Variants in NFIB observed in about 807,000 individuals in gnomAD.
NFIB encodes nuclear factor 1 B-type.
A neutral mutation model predicts 61.5 loss-of-function variants in NFIB; 11 were observed. The observed-to-expected ratio is 0.18, with a 90% CI of 0.11 to 0.30. The LOEUF (loss-of-function observed/expected upper bound fraction) is 0.30, where lower values mean the gene tolerates loss of function less well. Ranked by LOEUF, NFIB falls within the 10% of genes least tolerant of loss-of-function variation. The probability of loss-of-function intolerance (pLI) is 1.00; values close to 1 mark genes in which losing one functional copy is unlikely to be tolerated. For missense variants in NFIB, 471 were observed against 608.9 expected (o/e 0.77, Z 2.38); for synonymous variants, 260 against 216.5 (o/e 1.20, Z -1.76).
At chr9:14,468,422 C>A in the NFIB span, among the ~76,000 whole-genome samples, 2 of 152,102 alleles carry the variant, frequency 1.3e-5, no homozygotes, top group Non-Finnish European at 2.9e-5. Context: ...GTAACATAAA[C>A]ACAAAAAATG....
intron 2 of NFIB, among the ~76,000 whole-genome samples, chr9:14,192,538 G>C (rs1008240753): frequency 1.6e-4 from 24 of 152,142 alleles, no homozygotes; most frequent in Admixed American, 7.2e-4. Context: ...CTTCAGGCTA[G>C]GTCCAACCAA....
intron 10 of NFIB, among the ~76,000 whole-genome samples, chr9:14,097,326 G>A (rs2118724553): frequency 1.3e-5 from 2 of 152,084 alleles, no homozygotes; most frequent in East Asian, 1.9e-4. Context: ...TGGTGCTAGG[G>A]GCCCAGAATG....
At chr9:14,142,247 C>G (rs1399955463) in intron 6 of NFIB, among the ~76,000 whole-genome samples, 2 of 152,134 alleles carry the variant, frequency 1.3e-5, no homozygotes. Context: ...CAGATCTTTC[C>G]TGTGTTGTTC....
intron 2 of NFIB, among the ~76,000 whole-genome samples, chr9:14,206,421 G>A (rs896177491): frequency 2.0e-5 from 3 of 151,682 alleles, no homozygotes; most frequent in Non-Finnish European, 2.9e-5. Context: ...TTCCTGCCTC[G>A]GCCTCGCAAA....
intron 1 of NFIB, among the ~76,000 whole-genome samples, chr9:14,312,341 A>T (rs145636598): frequency 1.1e-4 from 16 of 152,348 alleles, no homozygotes; most frequent in Admixed American, 3.3e-4. Flanking sequence ...TAAAATTTTA[A>T]CACGCCCAAG....
At chr9:14,358,229 A>C (rs1221182446) in intron 1 of NFIB, among the ~76,000 whole-genome samples, 1 of 149,146 alleles carries the variant, frequency 6.7e-6, no homozygotes, top group Non-Finnish European at 1.5e-5. Context: ...ATACTATATA[A>C]AATAATTTTA....
intron 1 of NFIB, among the ~76,000 whole-genome samples, chr9:14,347,026 C>T (rs1030631494): frequency 5.9e-5 from 9 of 151,904 alleles, no homozygotes; most frequent in African/African-American, 2.2e-4. Context: ...AGCGAAATCG[C>T]GGCCAGGGAG....
intron 1 of NFIB, among the ~76,000 whole-genome samples, chr9:14,353,012 A>G (rs1178829949): frequency 2.0e-5 from 3 of 152,120 alleles, no homozygotes; most frequent in African/African-American, 7.2e-5. Flanking sequence ...GGTCAAGTGG[A>G]TTTCTTTCTG....
chr9:14,295,493 T>C (rs1324689408), intron 2 of NFIB, among the ~76,000 whole-genome samples: 2 of 149,090 alleles, frequency 1.3e-5, no homozygotes, highest in Non-Finnish European at 1.5e-5. Context: ...CAGCCGGGCG[T>C]GGGGAAGGGC....
At chr9:14,248,697 G>C (rs2055223527) in intron 2 of NFIB, among the ~76,000 whole-genome samples, 1 of 152,172 alleles carries the variant, frequency 6.6e-6, no homozygotes, top group Non-Finnish European at 1.5e-5. Context: ...ACAGGCAGGA[G>C]ACTTAAGCAT....
At chr9:14,488,202 A>G in the NFIB span, among the ~76,000 whole-genome samples, 2 of 152,144 alleles carry the variant, frequency 1.3e-5, no homozygotes, top group African/African-American at 4.8e-5. Flanking sequence ...CATCTTTACA[A>G]AACATTAAAA....
Position 14,313,607 on chromosome 9 carries a change from C to A in NFIB, c.-96G>T, listed in dbSNP as rs1190062791. The A allele has an allele frequency of 1.1e-5, 17 of 1,603,798 alleles. No individual in the cohort carries two copies. The South Asian group carries it at 1.4e-4, about 14-fold the overall frequency. The stretch of plus-strand genomic sequence containing the variant: ...TCATTTTACAGTCATCTGAGCCCCG[C>A]GATGCGATCAATCAGGACGGGGCTC... On this transcript the variant is annotated 5_prime_UTR_variant, in exon 1 of 11. Transcript: ENST00000380953. The surrounding 1 kb of genome is among the most constrained non-coding windows in gnomAD (Gnocchi z 4.5).
the NFIB span, among the ~76,000 whole-genome samples, chr9:14,420,003 A>C: frequency 2.0e-5 from 3 of 152,158 alleles, no homozygotes; most frequent in African/African-American, 7.2e-5. Context: ...TATTAATATC[A>C]GGTTGGGGAC....
At chr9:14,479,339 A>G in the NFIB span, among the ~76,000 whole-genome samples, 1 of 152,216 alleles carries the variant, frequency 6.6e-6, no homozygotes, top group African/African-American at 2.4e-5. Context: ...ACTGAAACCC[A>G]TACTAGCAGA....
At position 14,231,130 on chromosome 9, in the gene NFIB, AAAAAAATATAT is replaced by A. The variant is rs1209911429; in HGVS notation, c.563-51361_563-51351del. 3.1e-4 allele frequency among the ~76,000 whole-genome samples: 29 copies of A among 94,348 alleles called. No homozygotes were observed. In the East Asian group the frequency reaches 0.014, roughly 44 times the overall value. 61.9% of individuals were successfully genotyped at this position (94,348 alleles called of 152,430 possible). A position where few individuals can be genotyped will look rare whatever the true frequency, so the allele number is the denominator to read the frequency against. Reference sequence around the variant, plus strand: ...CAGTTTTTCCATGGGGAAAAAAAAAAAAAAAATATATATATATATATATATATATATATATA... The same window carrying A: ...CAGTTTTTCCATGGGGAAAAAAAAAAATATATATATATATATATATATATA... On this transcript the variant is annotated intron_variant, in intron 2 of 10. Coordinates refer to ENST00000380953, the MANE Select transcript of NFIB (RefSeq NM_001190737.2).
At chr9:14,513,692 T>C in the NFIB span, among the ~76,000 whole-genome samples, 1 of 150,930 alleles carries the variant, frequency 6.6e-6, no homozygotes, top group Non-Finnish European at 1.5e-5. Context: ...TGAAAAGCTA[T>C]AGTTTTTTTT....
At chr9:14,192,355 G>A (rs988254975) in intron 2 of NFIB, among the ~76,000 whole-genome samples, 1 of 152,136 alleles carries the variant, frequency 6.6e-6, no homozygotes, top group African/African-American at 2.4e-5. Context: ...AGCTTTGGAT[G>A]ATATTATGCA....
chr9:14,463,522 A>G, the NFIB span, among the ~76,000 whole-genome samples: 1 of 152,206 alleles, frequency 6.6e-6, no homozygotes, highest in Middle Eastern at 3.4e-3. Context: ...GTTAATAGCA[A>G]AGGAAATCTC....
chr9:14,474,350 C>T, the NFIB span, among the ~76,000 whole-genome samples: 338 of 152,244 alleles, frequency 2.2e-3, no homozygotes, highest in African/African-American at 7.7e-3. Context: ...TTTATAAGGG[C>T]ATGAATTCCA....
Sources: gnomAD v4.1 joint callset for allele counts (sites outside exome capture counted in the v4.1 genomes callset) on GRCh38, gnomAD v4.1.1 for gene constraint, Gnocchi (gnomAD v3.1) non-coding constraint, MANE v1.5 for transcripts, NCBI Gene and HGNC (gene_info 2026-07-23, HGNC 2026-07-21) for gene names.